CDKAL1: variants seen among roughly 807,000 people sequenced by gnomAD.
CDKAL1 encodes the protein CDKAL1 threonylcarbamoyladenosine tRNA methylthiotransferase.
A neutral mutation model predicts 68.2 loss-of-function variants in CDKAL1; 32 were observed. The observed-to-expected ratio is 0.47, with a 90% CI of 0.35 to 0.63. The LOEUF (loss-of-function observed/expected upper bound fraction) is 0.63, where lower values mean the gene tolerates loss of function less well. Among genes scored for constraint, CDKAL1 ranks in the 30% least tolerant of loss-of-function variants. The pLI is 0.00. For synonymous variants in CDKAL1, 234 were observed against 244.3 expected, an observed-to-expected ratio of 0.96 and a Z score of 0.39; for missense variants, 606 against 696.7, an observed-to-expected ratio of 0.87 and a Z score of 1.47.
intron 11 of CDKAL1, among the ~76,000 whole-genome samples, chr6:21,031,443 A>G (rs1222968636): frequency 2.0e-5 from 3 of 151,870 alleles, no homozygotes; most frequent in East Asian, 1.9e-4. Flanking sequence ...CCTTAAGTAC[A>G]TCTGTAAGAT....
chr6:20,917,956 A>C (rs149138931), intron 9 of CDKAL1, among the ~76,000 whole-genome samples: 303 of 152,316 alleles, frequency 2.0e-3, no homozygotes, highest in Admixed American at 2.9e-3. Context: ...TAAAAATACA[A>C]AAGAATTGGC....
intron 13 of CDKAL1, among the ~76,000 whole-genome samples, chr6:21,127,931 T>A: frequency 6.6e-6 from 1 of 152,230 alleles, no homozygotes; most frequent in Non-Finnish European, 1.5e-5. Flanking sequence ...TGGATGACCC[T>A]GAATAAGTTA....
chr6:21,054,600 A>C (rs1465673936), intron 11 of CDKAL1, among the ~76,000 whole-genome samples: 1 of 152,050 alleles, frequency 6.6e-6, no homozygotes, highest in Non-Finnish European at 1.5e-5. Flanking sequence ...ATATTCTTCC[A>C]TTTATTTAGA....
At chr6:21,176,653 C>G (rs1777582654) in intron 13 of CDKAL1, among the ~76,000 whole-genome samples, 2 of 142,242 alleles carry the variant, frequency 1.4e-5, no homozygotes, top group African/African-American at 2.7e-5. Flanking sequence ...TACCCGTAGT[C>G]TGAGAATGTC....
At position 20,694,042 on chromosome 6, in the gene CDKAL1, T is replaced by TTGTG. The variant is rs1231271309; in HGVS notation, c.371+44681_371+44684dup. Among the ~76,000 whole-genome samples the TTGTG allele has an allele frequency of 5.7e-3, 654 of 114,362 alleles. 7 individuals carry two copies. Among genetic ancestry groups the TTGTG allele is most frequent in the African/African-American group, 0.022 (522 of 23,724 alleles). 75.0% of individuals were successfully genotyped at this position (114,362 alleles called of 152,430 possible). On this transcript the variant is annotated intron_variant, in intron 5 of 15. Transcript: ENST00000274695. ...CACACACTAACACACCCGGCTAACT[T>TTGTG]TGTGTGTGTGTGTGTGTGTATGTGT...
At chr6:20,885,180 A>G (rs1761011521) in intron 9 of CDKAL1, among the ~76,000 whole-genome samples, 1 of 152,150 alleles carries the variant, frequency 6.6e-6, no homozygotes, top group South Asian at 2.1e-4. Flanking sequence ...CTATTCCTCA[A>G]ATTCACGTAC....
rs538143808 is a variant in CDKAL1, at chr6:21,041,685, T to C, written c.1056-23363T>C. On this transcript the variant is annotated intron_variant, in intron 11 of 15. Coordinates refer to ENST00000274695, the MANE Select transcript of CDKAL1 (RefSeq NM_017774.3). ...TATAATACTTGCCTATCGTATTTGGTACTGGATAATTTGATAAAGGTTTTT... is the reference window on the plus strand; with the variant it reads ...TATAATACTTGCCTATCGTATTTGGCACTGGATAATTTGATAAAGGTTTTT... Among the ~76,000 whole-genome samples the C allele has an allele frequency of 1.1e-4, 17 of 152,124 alleles. No individual in the cohort carries two copies. The East Asian group carries it at 3.3e-3, about 29-fold the overall frequency.
At chr6:20,840,944 C>T (rs982437272) in intron 8 of CDKAL1, among the ~76,000 whole-genome samples, 1 of 152,132 alleles carries the variant, frequency 6.6e-6, no homozygotes, top group African/African-American at 2.4e-5. Flanking sequence ...GTGGCTAGAC[C>T]ACAGTATGGC....
intron 8 of CDKAL1, among the ~76,000 whole-genome samples, chr6:20,815,477 G>A (rs1175862907): frequency 1.3e-5 from 2 of 151,902 alleles, no homozygotes; most frequent in Admixed American, 6.6e-5. Flanking sequence ...ATCACTTACA[G>A]AAGTTTGTAT....
chr6:20,639,917 C>T (rs942181277), intron 4 of CDKAL1, among the ~76,000 whole-genome samples: 1 of 152,274 alleles, frequency 6.6e-6, no homozygotes, highest in African/African-American at 2.4e-5. Context: ...GATCCGCCCG[C>T]CTTGGCCTCC....
At chr6:21,134,158 A>G (rs2151024413) in intron 13 of CDKAL1, among the ~76,000 whole-genome samples, 1 of 152,314 alleles carries the variant, frequency 6.6e-6, no homozygotes, top group East Asian at 1.9e-4. Flanking sequence ...AAGAGGGGCC[A>G]GCAGAGGCCA....
At chr6:21,054,919 G>T (rs6456394) in intron 11 of CDKAL1, among the ~76,000 whole-genome samples, 31,120 of 151,366 alleles carry the variant, frequency 0.21, 3,349 homozygotes, top group African/African-American at 0.25. Flanking sequence ...AAAAAATTCT[G>T]TCTTTTAAAC....
At chr6:20,664,981 C>G (rs1395351274) in intron 5 of CDKAL1, among the ~76,000 whole-genome samples, 1 of 151,984 alleles carries the variant, frequency 6.6e-6, no homozygotes, top group South Asian at 2.1e-4. Flanking sequence ...TTTGAACAAC[C>G]GTGGGAGCCT....
chr6:21,047,844 T>C (rs1296816120), intron 11 of CDKAL1, among the ~76,000 whole-genome samples: 4 of 152,082 alleles, frequency 2.6e-5, no homozygotes, highest in Non-Finnish European at 4.4e-5. Flanking sequence ...GTAGTATGGA[T>C]AGGGGATTGT....
intron 9 of CDKAL1, among the ~76,000 whole-genome samples, chr6:20,875,890 A>G (rs1173174108): frequency 6.6e-6 from 1 of 152,208 alleles, no homozygotes; most frequent in African/African-American, 2.4e-5. Flanking sequence ...ATTGAAAAAA[A>G]GGCTTACTAG....
At chr6:20,671,369 T>G (rs1014674986) in intron 5 of CDKAL1, among the ~76,000 whole-genome samples, 2 of 152,152 alleles carry the variant, frequency 1.3e-5, no homozygotes, top group Admixed American at 1.3e-4. Context: ...TTTGTGTGAG[T>G]TTTTCTGTTT....
intron 13 of CDKAL1, among the ~76,000 whole-genome samples, chr6:21,124,372 C>T (rs1300609890): frequency 6.6e-6 from 1 of 152,104 alleles, no homozygotes; most frequent in Non-Finnish European, 1.5e-5. Context: ...AGTCCTGTTC[C>T]TTGGTAGGCC....
intron 4 of CDKAL1, among the ~76,000 whole-genome samples, chr6:20,627,022 A>T (rs1767462238): frequency 6.6e-6 from 1 of 152,154 alleles, no homozygotes; most frequent in Non-Finnish European, 1.5e-5. Context: ...TTTGCTGCAA[A>T]ATCTACCTCT....
At chr6:20,555,058 TGTTTATA>T (rs1763981386) in intron 4 of CDKAL1, among the ~76,000 whole-genome samples, 1 of 152,234 alleles carries the variant, frequency 6.6e-6, no homozygotes, top group Non-Finnish European at 1.5e-5. Flanking sequence ...TTTGTATATG[TGTTTATA>T]GTTTATTCAT....
Sources: allele counts gnomAD v4.1 joint callset (sites outside exome capture counted in the v4.1 genomes callset), GRCh38; gene constraint gnomAD v4.1.1; transcripts MANE v1.5; gene names NCBI Gene and HGNC (gene_info 2026-07-23, HGNC 2026-07-21).